MAP2K1: variants seen among roughly 807,000 people sequenced by gnomAD.
MAP2K1 encodes mitogen-activated protein kinase kinase 1, also known as dual specificity mitogen-activated protein kinase kinase 1.
In MAP2K1, 16 loss-of-function variants were observed where a neutral mutation model predicts 46.3. The ratio of observed to expected loss-of-function variants is 0.35; its 90% CI spans 0.23 to 0.52. The LOEUF (loss-of-function observed/expected upper bound fraction) is 0.52, where lower values mean the gene tolerates loss of function less well. MAP2K1 is among the 20% of genes least tolerant of loss of function. MAP2K1 has a pLI of 0.94. For missense variants in MAP2K1, 263 were observed against 497.1 expected (o/e 0.53, Z 4.48); for synonymous variants, 183 against 185.6 (o/e 0.99, Z 0.11).
intron 1 of MAP2K1, among the ~76,000 whole-genome samples, chr15:66,406,730 T>C (rs2093397780): frequency 6.6e-6 from 1 of 152,140 alleles, no homozygotes. Context: ...CAGAAAGGAC[T>C]TTAAAGATGG....
intron 3 of MAP2K1, among the ~76,000 whole-genome samples, chr15:66,442,507 CCTT>C (rs1482791588): frequency 6.6e-6 from 1 of 152,124 alleles, no homozygotes; most frequent in Non-Finnish European, 1.5e-5. Flanking sequence ...ATTACTTCTC[CCTT>C]CTTCTGCATG....
At chr15:66,423,222 A>T (rs1567004702) in intron 1 of MAP2K1, among the ~76,000 whole-genome samples, 2 of 152,126 alleles carry the variant, frequency 1.3e-5, no homozygotes, top group Non-Finnish European at 2.9e-5. Context: ...TAGCATTTTA[A>T]TTTGATTCTA....
intron 5 of MAP2K1, among the ~76,000 whole-genome samples, chr15:66,452,795 T>C (rs1408090120): frequency 6.6e-6 from 1 of 152,230 alleles, no homozygotes; most frequent in Non-Finnish European, 1.5e-5. Flanking sequence ...CCCGTTTCTT[T>C]ATATAATTTA....
At chr15:66,424,901 G>A (rs1014159575) in intron 1 of MAP2K1, among the ~76,000 whole-genome samples, 19 of 148,300 alleles carry the variant, frequency 1.3e-4, no homozygotes, top group East Asian at 2.1e-4. Flanking sequence ...GGGTTCAAGC[G>A]ATTCTCCCGC....
At chr15:66,436,917 G>C (rs1403516829) in intron 3 of MAP2K1, 25 bp downstream of exon 3, 1 of 1,613,600 alleles carries the variant, frequency 6.2e-7, no homozygotes, top group South Asian at 1.1e-5. Flanking sequence ...CTCAGCCTCT[G>C]GAGCAATGGC....
chr15:66,460,137 T>G (rs1469858531), intron 5 of MAP2K1, among the ~76,000 whole-genome samples: 3 of 152,234 alleles, frequency 2.0e-5, no homozygotes, highest in Non-Finnish European at 4.4e-5. Flanking sequence ...AAGGGATTCC[T>G]TTTGACTGTG....
intron 5 of MAP2K1, among the ~76,000 whole-genome samples, chr15:66,459,271 A>C (rs984883509): frequency 1.4e-5 from 2 of 142,530 alleles, no homozygotes; most frequent in East Asian, 4.1e-4. Flanking sequence ...CAAAATCGCC[A>C]CTGCACTCCA....
rs1397188170 is a variant in MAP2K1 at position 66,430,397 on chromosome 15, G to T, written c.81-4630G>T. Among the ~76,000 whole-genome samples, 3 of 152,178 alleles carry T rather than the reference G, an allele frequency of 2.0e-5. No homozygotes were observed. In the South Asian group the frequency reaches 6.2e-4, roughly 31 times the overall value. ...AGTGTACCCTCCTGGCAGAGGCAAG[G>T]CTGCCATCGAGGCTAGAGCAAGGCT... On this transcript the variant is annotated intron_variant, in intron 1 of 10. Coordinates refer to ENST00000307102, the MANE Select transcript of MAP2K1 (RefSeq NM_002755.4).
chr15:66,412,175 C>G (rs1379865001), intron 1 of MAP2K1, among the ~76,000 whole-genome samples: 5 of 152,176 alleles, frequency 3.3e-5, no homozygotes, highest in Admixed American at 3.3e-4. Flanking sequence ...AAGCAACTAT[C>G]CTTTGTAAAC....
intron 5 of MAP2K1, among the ~76,000 whole-genome samples, chr15:66,473,479 G>A (rs1892687047): frequency 1.3e-5 from 2 of 152,032 alleles, no homozygotes; most frequent in South Asian, 4.1e-4. Flanking sequence ...AGCCTAGGAG[G>A]TCGAGGCTGC....
intron 5 of MAP2K1, among the ~76,000 whole-genome samples, chr15:66,454,399 G>A (rs1892111700): frequency 6.6e-6 from 1 of 152,160 alleles, no homozygotes; most frequent in South Asian, 2.1e-4. Flanking sequence ...TCAGGAAAAT[G>A]GAGAAAACAG....
At chr15:66,398,805 C>T (rs995365400) in intron 1 of MAP2K1, among the ~76,000 whole-genome samples, 4 of 146,792 alleles carry the variant, frequency 2.7e-5, no homozygotes, top group African/African-American at 1.0e-4. Flanking sequence ...GACAGTCTCA[C>T]TCTTGTCGTC....
At chr15:66,438,229 G>A (rs2093493984) in intron 3 of MAP2K1, among the ~76,000 whole-genome samples, 1 of 151,670 alleles carries the variant, frequency 6.6e-6, no homozygotes, top group Non-Finnish European at 1.5e-5. Context: ...TGGGATTACA[G>A]GTGCGCACCA....
intron 1 of MAP2K1, among the ~76,000 whole-genome samples, chr15:66,433,271 T>A (rs761141667): frequency 1.3e-5 from 2 of 152,058 alleles, no homozygotes; most frequent in Non-Finnish European, 2.9e-5. Context: ...AAATATTGAG[T>A]AGCTGCCTCA....
intron 1 of MAP2K1, among the ~76,000 whole-genome samples, chr15:66,391,007 A>G (rs2093355055): frequency 6.6e-6 from 1 of 151,268 alleles, no homozygotes; most frequent in African/African-American, 2.4e-5. Flanking sequence ...GATGTTTATA[A>G]GCATCTCAGA....
At chr15:66,475,506 CA>C (rs1451983736) in intron 5 of MAP2K1, among the ~76,000 whole-genome samples, 4 of 152,200 alleles carry the variant, frequency 2.6e-5, no homozygotes, top group Admixed American at 2.0e-4. Flanking sequence ...CTCCCCACTT[CA>C]CCCCTCCACT....
chr15:66,463,673 G>C (rs149709033), intron 5 of MAP2K1, among the ~76,000 whole-genome samples: 1 of 152,332 alleles, frequency 6.6e-6, no homozygotes, highest in East Asian at 1.9e-4. Context: ...TAGTAGAAAT[G>C]GGGTTTCACC....
intron 1 of MAP2K1, among the ~76,000 whole-genome samples, chr15:66,400,174 A>C (rs36123921): frequency 0.056 from 8,555 of 152,006 alleles, 346 homozygotes; most frequent in Middle Eastern, 0.11. Context: ...GCAAAAAAAA[A>C]CCTTTTCTGC....
At chr15:66,474,433 G>A (rs553455976) in intron 5 of MAP2K1, among the ~76,000 whole-genome samples, 1 of 152,276 alleles carries the variant, frequency 6.6e-6, no homozygotes, top group African/African-American at 2.4e-5. Context: ...CTAAACTGGA[G>A]TGGAGAACTA....
Sources: gnomAD v4.1 joint callset for allele counts (sites outside exome capture counted in the v4.1 genomes callset) on GRCh38, gnomAD v4.1.1 for gene constraint, MANE v1.5 for transcripts, NCBI Gene and HGNC (gene_info 2026-07-23, HGNC 2026-07-21) for gene names.